ECT2L: variants seen among roughly 807,000 people sequenced by gnomAD.
ECT2L encodes the protein epithelial cell-transforming sequence 2 oncogene-like.
ECT2L carries 126 observed loss-of-function variants against 122.8 expected under a neutral mutation model. That is an observed-to-expected ratio of 1.03 (90% CI 0.89 to 1.19). The LOEUF (loss-of-function observed/expected upper bound fraction) is 1.19. Among genes scored for constraint, ECT2L ranks in the 50% most tolerant of loss-of-function variants. ECT2L has a pLI of 0.00. For missense variants in ECT2L, 1,012 were observed against 1,064.1 expected, an observed-to-expected ratio of 0.95 and a Z score of 0.68; for synonymous variants, 385 against 381.8, an observed-to-expected ratio of 1.01 and a Z score of -0.10.
intron 4 of ECT2L, among the ~76,000 whole-genome samples, chr6:138,821,590 G>A (rs1419078354): frequency 1.3e-5 from 2 of 152,230 alleles, no homozygotes; most frequent in Non-Finnish European, 2.9e-5. Context: ...TTAGAATTGT[G>A]TGCACCGCCA....
At chr6:138,864,940 A>G in intron 11 of ECT2L, 56 bp from the exon 12 acceptor site, 2 of 1,511,976 alleles carry the variant, frequency 1.3e-6, no homozygotes, top group Non-Finnish European at 1.8e-6. Flanking sequence ...AACAAGATGT[A>G]GAATTGTTTC....
chr6:138,817,549 TTCAG>T (rs1230108289), intron 4 of ECT2L, among the ~76,000 whole-genome samples: 3 of 152,340 alleles, frequency 2.0e-5, no homozygotes, highest in South Asian at 2.1e-4. Flanking sequence ...TTTGTTTTAA[TTCAG>T]TCAGTTATAA....
chr6:138,902,429 G>A, intron 21 of ECT2L, 71 bp from the exon 22 acceptor site: 4 of 1,413,222 alleles, frequency 2.8e-6, no homozygotes, highest in Middle Eastern at 2.2e-4. Flanking sequence ...TGATTTTTGA[G>A]TATTAACATT....
rs944683515 is a variant in ECT2L at position 138,804,120 on chromosome 6, A to AT, written c.-244+7935dup. ...TGGAGACAGCGAGAGCTGTGGAGTG[A>AT]TTTTTTTCCCACTTAGATTGAGCCA... On this transcript the variant is annotated intron_variant, in intron 1 of 21. Coordinates refer to ENST00000541398, the MANE Select transcript of ECT2L (RefSeq NM_001077706.3). 5.9e-5 allele frequency among the ~76,000 whole-genome samples: 9 copies of AT among 152,080 alleles called. 1 individual carries two copies. The highest frequency in any genetic ancestry group is 7.2e-5 in the African/African-American group (3 of 41,396).
At chr6:138,797,726 G>GAATTT (rs1775393686) in intron 1 of ECT2L, among the ~76,000 whole-genome samples, 1 of 151,956 alleles carries the variant, frequency 6.6e-6, no homozygotes, top group African/African-American at 2.4e-5. Context: ...AAATGTATGG[G>GAATTT]AATTTCTTCC....
intron 4 of ECT2L, among the ~76,000 whole-genome samples, chr6:138,834,416 G>GA (rs1024224237): frequency 2.0e-5 from 3 of 152,046 alleles, no homozygotes; most frequent in African/African-American, 7.2e-5. Context: ...TAGCAGCATA[G>GA]AATAGGAACA....
At chr6:138,851,471 CTG>C (rs1370958120) in intron 9 of ECT2L, among the ~76,000 whole-genome samples, 1 of 146,746 alleles carries the variant, frequency 6.8e-6, no homozygotes, top group Non-Finnish European at 1.5e-5. Flanking sequence ...GTGTGGGCCA[CTG>C]TGCCTAGCCT....
intron 20 of ECT2L, among the ~76,000 whole-genome samples, chr6:138,896,078 A>G (rs1187820630): frequency 5.2e-5 from 7 of 134,258 alleles, no homozygotes; most frequent in African/African-American, 2.0e-4. Flanking sequence ...ATAAACACTG[A>G]TTTTCATTGC....
chr6:138,846,518 A>C (rs200793825), intron 7 of ECT2L, 21 bp from the exon 8 acceptor site: 1 of 1,556,608 alleles, frequency 6.4e-7, no homozygotes, highest in South Asian at 1.2e-5. Context: ...AAAACTTCTC[A>C]TATTTCCTTT....
intron 20 of ECT2L, among the ~76,000 whole-genome samples, chr6:138,890,584 TAA>T (rs1778990601): frequency 7.1e-6 from 1 of 141,804 alleles, no homozygotes; most frequent in African/African-American, 2.6e-5. Flanking sequence ...CCAGCAATTC[TAA>T]ACACACTGGT....
At chr6:138,814,255 A>C (rs9403004) in intron 3 of ECT2L, among the ~76,000 whole-genome samples, 60,331 of 151,872 alleles carry the variant, frequency 0.4, 12,386 homozygotes, top group South Asian at 0.6. Flanking sequence ...TAATTACATC[A>C]CTGCCAGTCT....
intron 10 of ECT2L, among the ~76,000 whole-genome samples, chr6:138,854,503 T>G (rs2128395504): frequency 6.6e-6 from 1 of 152,284 alleles, no homozygotes; most frequent in African/African-American, 2.4e-5. Flanking sequence ...CCCTGCCGCC[T>G]TCTGAACCTG....
chr6:138,866,229 A>G (rs959474168), intron 12 of ECT2L, among the ~76,000 whole-genome samples: 1 of 150,842 alleles, frequency 6.6e-6, no homozygotes, highest in African/African-American at 2.4e-5. Flanking sequence ...GCTCACTGCA[A>G]CCTCTGCCTC....
chr6:138,870,700 GA>G (rs1202614584), intron 13 of ECT2L, among the ~76,000 whole-genome samples: 1 of 151,908 alleles, frequency 6.6e-6, no homozygotes, highest in East Asian at 1.9e-4. Context: ...ATTCATTAAA[GA>G]AAAAAATGGG....
chr6:138,898,864 A>T (rs1779300919), intron 20 of ECT2L, among the ~76,000 whole-genome samples: 1 of 152,080 alleles, frequency 6.6e-6, no homozygotes, highest in Non-Finnish European at 1.5e-5. Context: ...CTATAACATC[A>T]CGTTTTTTGA....
At chr6:138,875,407 C>T (rs1460539216) in intron 13 of ECT2L, among the ~76,000 whole-genome samples, 1 of 152,246 alleles carries the variant, frequency 6.6e-6, no homozygotes, top group Non-Finnish European at 1.5e-5. Flanking sequence ...TGAAGTTATT[C>T]TTCCAGCCTC....
At position 138,834,894 on chromosome 6, in the gene ECT2L, TACACACACAC is replaced by T. The variant is rs544584441; in HGVS notation, c.180-3425_180-3416del. On this transcript the variant is annotated intron_variant, in intron 4 of 21. Coordinates refer to ENST00000541398, the MANE Select transcript of ECT2L (RefSeq NM_001077706.3). ...CCCGGCTCCATTCTTTGCCCCCGTTTACACACACACACACACACACACACACACACACACA... is the reference window on the plus strand; with the variant it reads ...CCCGGCTCCATTCTTTGCCCCCGTTTACACACACACACACACACACACACA... Among the ~76,000 whole-genome samples the T allele has an allele frequency of 6.0e-4, 83 of 137,422 alleles. No individual in the cohort carries two copies. In the East Asian group the frequency reaches 8.4e-3, roughly 14 times the overall value. 90.2% of individuals were successfully genotyped at this position (137,422 alleles called of 152,430 possible). A position where few individuals can be genotyped will look rare whatever the true frequency, so the allele number is the denominator to read the frequency against.
At chr6:138,878,856 T>TA (rs1778555520) in intron 14 of ECT2L, 1 of 152,408 alleles carries the variant, frequency 6.6e-6, no homozygotes, top group Non-Finnish European at 1.5e-5. Flanking sequence ...CTAATTTTTT[T>TA]AAAAATGCTT....
Position 138,888,972 on chromosome 6 carries a change from T to C in ECT2L, c.2355T>C (p.Ile785=). 1 of 1,523,532 alleles carries C rather than the reference T, an allele frequency of 6.6e-7. No individual in the cohort carries two copies. The highest frequency in any genetic ancestry group is 8.9e-7 in the Non-Finnish European group (1 of 1,128,166). 94.4% of individuals were successfully genotyped at this position (1,523,532 alleles called of 1,614,324 possible). The change falls in exon 20 of 22, where the codon ATT becomes ATC. Residue 785 remains isoleucine (I), a synonymous_variant. Transcript: ENST00000541398. ...PTLSEVNRYL[I]RVQDVAQLHC... The stretch of plus-strand genomic sequence containing the variant: ...TATCAGAAGTAAACAGATATCTGAT[T>C]AGGGTACAAGATGTAGCCCAACTTC...
Sources: gnomAD v4.1 joint callset for allele counts (sites outside exome capture counted in the v4.1 genomes callset) on GRCh38, gnomAD v4.1.1 for gene constraint, MANE v1.5 for transcripts, NCBI Gene and HGNC (gene_info 2026-07-23, HGNC 2026-07-21) for gene names.